SCN10A: variants seen among roughly 807,000 people sequenced by gnomAD.
SCN10A encodes sodium voltage-gated channel alpha subunit 10.
In SCN10A, 162 loss-of-function variants were observed where a neutral mutation model predicts 170.7. The ratio of observed to expected loss-of-function variants is 0.95; its 90% CI spans 0.84 to 1.08. The LOEUF (loss-of-function observed/expected upper bound fraction) is 1.08. Ranked by LOEUF, SCN10A falls within the 50% of genes least tolerant of loss-of-function variation. The pLI is 0.00. For missense variants in SCN10A, 2,527 were observed against 2,436.9 expected (o/e 1.04, Z -0.78); for synonymous variants, 985 against 904.6 (o/e 1.09, Z -1.59).
At chr3:38,774,058 A>G (rs1263403757) in intron 4 of SCN10A, among the ~76,000 whole-genome samples, 1 of 152,202 alleles carries the variant, frequency 6.6e-6, no homozygotes. Flanking sequence ...TAAATTATGA[A>G]CATATATGTC....
chr3:38,752,475 C>G lies in SCN10A; in HGVS notation c.1499G>C (p.Ser500Thr), dbSNP rs777204274. ...CCGGAAATGGAACACACTGCCATGA[C>G]TAGCCCGGCGTTTTCCAGAGGCGAG... is the stretch of plus-strand genomic sequence containing the variant. Reference protein sequence around the residue: ...LGLASGKRRASHGSVFHFRSP... With the variant: ...LGLASGKRRATHGSVFHFRSP... The change falls in exon 12 of 28, where the codon AGT (serine) becomes ACT (threonine). Residue 500 changes from serine to threonine, a missense_variant. By Grantham distance (58) the Ser-to-Thr change is moderately conservative. Coordinates refer to ENST00000449082, the MANE Select transcript of SCN10A (RefSeq NM_006514.4). 2.5e-6 allele frequency: 4 copies of G among 1,607,400 alleles called. No homozygotes were observed. The highest frequency in any genetic ancestry group is 3.4e-6 in the Non-Finnish European group (4 of 1,176,414).
intron 15 of SCN10A, among the ~76,000 whole-genome samples, chr3:38,736,625 A>G (rs2063563352): frequency 6.6e-6 from 1 of 152,134 alleles, no homozygotes; most frequent in African/African-American, 2.4e-5. Context: ...ACAAAAACGC[A>G]AAGAGGCAGA....
rs141648641 is a variant in SCN10A, at chr3:38,697,615, G to C, written c.5605C>G (p.Arg1869Gly). The C allele has an allele frequency of 3.7e-6, 6 of 1,613,994 alleles. No homozygotes were observed. Among genetic ancestry groups the C allele is most frequent in the Non-Finnish European group, 5.1e-6 (6 of 1,180,012 alleles). The change falls in exon 28 of 28, where the codon CGC (arginine) becomes GGC (glycine). Residue 1869 changes from arginine (R) to glycine (G), a missense_variant. Transcript: ENST00000449082. Reference protein sequence around the residue: ...QKAYRSYVLHRSMALSNTPCV... With the variant: ...QKAYRSYVLHGSMALSNTPCV... ...GGGGTGTTAGAGAGTGCCATGGAGC[G>C]GTGCAGCACATAGCTCCGATAGGCC...
At chr3:38,798,377 G>A (rs1331241744) in intron 1 of SCN10A, among the ~76,000 whole-genome samples, 3 of 152,202 alleles carry the variant, frequency 2.0e-5, no homozygotes, top group African/African-American at 7.2e-5. Context: ...CATGTAGGAA[G>A]TGTCTGCTGG....
intron 15 of SCN10A, among the ~76,000 whole-genome samples, chr3:38,729,752 C>A (rs2063496135): frequency 6.6e-6 from 1 of 152,204 alleles, no homozygotes; most frequent in African/African-American, 2.4e-5. Context: ...GTCAGTCTGT[C>A]AGTCAAGGTG....
At chr3:38,752,603 C>T (rs557504772) in intron 11 of SCN10A, 91 bp from the exon 12 acceptor site, 96 of 1,066,742 alleles carry the variant, frequency 9.0e-5, no homozygotes, top group Non-Finnish European at 1.2e-4. Flanking sequence ...CTCCCATTTC[C>T]CTGCCCCTGT....
chr3:38,774,166 G>T (rs1429648045), intron 4 of SCN10A, among the ~76,000 whole-genome samples: 1 of 152,126 alleles, frequency 6.6e-6, no homozygotes, highest in Admixed American at 6.5e-5. Context: ...ATCTATATCT[G>T]GTTGCATAGC....
chr3:38,743,912 C>T (rs77792382), intron 13 of SCN10A, among the ~76,000 whole-genome samples: 2,183 of 152,288 alleles, frequency 0.014, 69 homozygotes, highest in East Asian at 0.089. Context: ...TCCGTTAAAT[C>T]TCCATGTGGA....
chr3:38,727,118 G>A (rs572806703), intron 16 of SCN10A, 66 bp from the exon 17 acceptor site: 150 of 1,478,478 alleles, frequency 1.0e-4, no homozygotes, highest in Middle Eastern at 1.8e-4. Flanking sequence ...TGGCCTACCG[G>A]GTTAGCAGCT....
chr3:38,799,002 C>T (rs1444132916), intron 1 of SCN10A, among the ~76,000 whole-genome samples: 1 of 151,874 alleles, frequency 6.6e-6, no homozygotes, highest in Non-Finnish European at 1.5e-5. Context: ...AGGCTGGTCT[C>T]AAACTCCTGG....
At chr3:38,725,347 C>G in intron 17 of SCN10A, 33 bp from the exon 18 acceptor site, 1 of 1,536,640 alleles carries the variant, frequency 6.5e-7, no homozygotes, top group Non-Finnish European at 8.9e-7. Flanking sequence ...GGGTGCCTGG[C>G]CCCACCCTTA....
At chr3:38,766,764 C>T (rs1351869347) in intron 5 of SCN10A, among the ~76,000 whole-genome samples, 1 of 151,906 alleles carries the variant, frequency 6.6e-6, no homozygotes, top group African/African-American at 2.4e-5. Flanking sequence ...AGGAGGATTC[C>T]CTCTTTCTGC....
At chr3:38,778,906 T>A (rs1003372277) in intron 4 of SCN10A, among the ~76,000 whole-genome samples, 2 of 152,110 alleles carry the variant, frequency 1.3e-5, no homozygotes, top group African/African-American at 4.8e-5. Flanking sequence ...GATTTGTATA[T>A]GTTATACTTT....
chr3:38,793,982 G>A lies in SCN10A; in HGVS notation c.29C>T (p.Thr10Ile). 6.2e-7 allele frequency: 1 copy of A among 1,613,952 alleles called. No homozygotes were observed. The highest frequency in any genetic ancestry group is 8.5e-7 in the Non-Finnish European group (1 of 1,179,868). ...CGGAGTAAAGCGACGGAAGTTGTTA[G>A]TTTCGAGGGATCCAATGGGGAATTC... MEFPIGSLE[T>I]NNFRRFTPES... The change falls in exon 2 of 28, where the codon ACT becomes ATT. Residue 10 changes from threonine (T) to isoleucine (I), a missense_variant. Transcript: ENST00000449082.
chr3:38,712,222 C>A lies in SCN10A; in HGVS notation c.4028G>T (p.Trp1343Leu). Residue 1343 changes from tryptophan (W) to leucine (L), a missense_variant, in exon 23 of 28, where the codon TGG becomes TTG. Physicochemically the swap from Trp to Leu is moderately conservative, Grantham distance 61. Transcript: ENST00000449082. ...ATCAAAGTTGACTTTCACATTGACC[C>A]AGAAGAAGCTGCCAGTGGAGTTTTG... The part of the protein sequence containing the change: ...KIQNSTGSFF[W>L]VNVKVNFDNV... 6.2e-7 allele frequency: 1 copy of A among 1,614,222 alleles called. No individual in the cohort carries two copies. The highest frequency in any genetic ancestry group is 8.5e-7 in the Non-Finnish European group (1 of 1,180,040).
chr3:38,704,380 T>C (rs543998510), intron 26 of SCN10A, among the ~76,000 whole-genome samples: 28 of 152,260 alleles, frequency 1.8e-4, no homozygotes, highest in African/African-American at 5.8e-4. Flanking sequence ...CATGGTCACA[T>C]GACTTCTAAT....
Position 38,723,481 on chromosome 3 carries a change from T to G in SCN10A, c.3301A>C (p.Ile1101Leu). Reference protein sequence around the residue: ...CLDPEEILRKIPELADDLEEP... With the variant: ...CLDPEEILRKLPELADDLEEP... ...TCCAGGTCATCTGCCAGCTCAGGGA[T>G]CTTCCTCAGGATTTCCTCAGGATCT... Residue 1101 changes from isoleucine (I) to leucine (L), a missense_variant, in exon 19 of 28, where the codon ATC becomes CTC. Coordinates refer to ENST00000449082, the MANE Select transcript of SCN10A (RefSeq NM_006514.4). The G allele has an allele frequency of 6.2e-7, 1 of 1,614,100 alleles. No individual in the cohort carries two copies. The highest frequency in any genetic ancestry group is 8.5e-7 in the Non-Finnish European group (1 of 1,179,958).
intron 20 of SCN10A, among the ~76,000 whole-genome samples, chr3:38,719,415 A>T: frequency 1.1e-5 from 1 of 89,408 alleles, no homozygotes. Flanking sequence ...TTTTTTTGAG[A>T]CGGAGTCTCG....
rs759164988 is a variant in SCN10A at position 38,698,475 on chromosome 3, C to T, written c.4745G>A (p.Arg1582His). The change falls in exon 28 of 28, where the codon CGC (arginine) becomes CAC (histidine). Residue 1582 changes from arginine (R) to histidine (H), a missense_variant. Transcript: ENST00000449082. ...GGCCGCTCGGATCAGTCTGAGGATG[C>T]GGCCAATTCGGGCCAGGCGGATGAC... ...FRVIRLARIG[R>H]ILRLIRAAKG... The T allele has an allele frequency of 3.1e-6, 5 of 1,614,120 alleles. No individual in the cohort carries two copies. The highest frequency in any genetic ancestry group is 1.1e-5 in the South Asian group (1 of 91,074).
Sources: allele counts gnomAD v4.1 joint callset (sites outside exome capture counted in the v4.1 genomes callset), GRCh38; gene constraint gnomAD v4.1.1; transcripts MANE v1.5; gene names NCBI Gene and HGNC (gene_info 2026-07-23, HGNC 2026-07-21).